The following PCNT variants were observed in gnomAD, a reference collection of about 807,000 sequenced individuals.
The protein encoded by PCNT is pericentrin.
Under a neutral mutation model 380.4 loss-of-function variants are expected in PCNT, and 319 were observed. The ratio of observed to expected loss-of-function variants is 0.84; its 90% CI spans 0.77 to 0.92. PCNT has a LOEUF of 0.92. Among genes scored for constraint, PCNT ranks in the 40% least tolerant of loss-of-function variants. The pLI is 0.00. For missense variants in PCNT, 4,400 were observed against 4,255.3 expected, an observed-to-expected ratio of 1.03 and a Z score of -0.95; for synonymous variants, 1,845 against 1,735.2, an observed-to-expected ratio of 1.06 and a Z score of -1.57.
chr21:46,365,183 C>T (rs1238324232), intron 14 of PCNT, among the ~76,000 whole-genome samples: 1 of 150,884 alleles, frequency 6.6e-6, no homozygotes, highest in Non-Finnish European at 1.5e-5. Flanking sequence ...ATGGGGTTCT[C>T]CTCACTGCCG....
rs2086769622 is a variant in PCNT, at chr21:46,411,098, A to C, written c.5116-91A>C. ...TTTCACGCTATGGAGTCTTCACTCC[A>C]AGAATGCATTCAGGATGTAACGTGC... is the stretch of plus-strand genomic sequence containing the variant. On this transcript the variant is annotated intron_variant, in intron 27 of 46. Coordinates refer to ENST00000359568, the MANE Select transcript of PCNT (RefSeq NM_006031.6). 3.1e-6 allele frequency: 4 copies of C among 1,306,700 alleles called. No homozygotes were observed. The South Asian group carries it at 4.8e-5, about 16-fold the overall frequency. The allele number at this position is 1,306,700 out of a possible 1,614,324, so 80.9% of individuals were successfully genotyped here.
chr21:46,430,135 G>C lies in PCNT; in HGVS notation c.7816G>C (p.Val2606Leu). The C allele has an allele frequency of 6.2e-7, 1 of 1,614,238 alleles. No homozygotes were observed. Among genetic ancestry groups the C allele is most frequent in the Non-Finnish European group, 8.5e-7 (1 of 1,180,036 alleles). Reference protein sequence around the residue: ...QKLLAAEQTVVRDLKSDLCES... With the variant: ...QKLLAAEQTVLRDLKSDLCES... ...GCTCCTGGCGGCGGAGCAGACTGTA[G>C]TGCGAGATTTGAAGTCCGACCTCTG... The change falls in exon 36 of 47, where the codon GTG (valine) becomes CTG (leucine). Residue 2606 changes from valine (V) to leucine (L), a missense_variant. Physicochemically the swap from Val to Leu is conservative, Grantham distance 32. Coordinates refer to ENST00000359568, the MANE Select transcript of PCNT (RefSeq NM_006031.6).
chr21:46,403,205 G>A (rs549553425), intron 27 of PCNT, among the ~76,000 whole-genome samples: 1 of 140,776 alleles, frequency 7.1e-6, no homozygotes, highest in African/African-American at 2.5e-5. Flanking sequence ...CAGCGTGGGA[G>A]AATCGTGTGT....
intron 16 of PCNT, among the ~76,000 whole-genome samples, chr21:46,384,936 C>T (rs1444898800): frequency 3.3e-5 from 5 of 152,242 alleles, no homozygotes; most frequent in Non-Finnish European, 5.9e-5. Flanking sequence ...GGTGCAGGCA[C>T]ATTCACGGTG....
rs1394524327 is a variant in PCNT at position 46,425,985 on chromosome 21, T to C, written c.7320+14T>C. 2 of 1,613,336 alleles carry C rather than the reference T, an allele frequency of 1.2e-6. No homozygotes were observed. Among genetic ancestry groups the C allele is most frequent in the East Asian group, 4.5e-5 (2 of 44,862 alleles). On this transcript the variant is annotated intron_variant, in intron 33 of 46. Transcript: ENST00000359568. This position sits in a 1 kb window ranked among gnomAD's most constrained non-coding sequence, Gnocchi z 4.2. ...GGAAAGACGCAGGTTTATTTTGCCC[T>C]TCACACACTTCTTTTCCAAAGGATT...
Position 46,397,304 on chromosome 21 carries a change from C to T in PCNT, c.4256C>T (p.Ser1419Leu), listed in dbSNP as rs766686287. Residue 1419 changes from serine to leucine, a missense_variant, in exon 22 of 47, where the codon TCG (serine) becomes TTG (leucine). Transcript: ENST00000359568. ...KEVEDLTKEQSETRKQAEKDR... is the reference protein window; with the variant it reads ...KEVEDLTKEQLETRKQAEKDR... ...GTGGAGGATCTGACCAAAGAACAGT[C>T]GGAGACCAGGAAGCAGGCTGAGAAG... The T allele has an allele frequency of 5.6e-6, 9 of 1,613,938 alleles. No homozygotes were observed. The highest frequency in any genetic ancestry group is 4.0e-5 in the African/African-American group (3 of 74,874).
In PCNT at chr21:46,397,889, G is replaced by A. The variant is rs111512103; in HGVS notation, c.4447-125G>A. 0.049 allele frequency: 35,016 copies of A among 713,866 alleles called. 1,112 individuals carry two copies. The highest frequency in any genetic ancestry group is 0.061 in the Non-Finnish European group (24,511 of 401,090). 44.2% of individuals were successfully genotyped at this position (713,866 alleles called of 1,614,324 possible). On this transcript the variant is annotated intron_variant, in intron 22 of 46. Transcript: ENST00000359568. ...TTACAAAGTGACTGTGATGAGGGGG[G>A]TATTTGGAGTCTGAGCTGCTGGGCA...
chr21:46,390,823 A>G lies in PCNT; in HGVS notation c.3994A>G (p.Lys1332Glu), dbSNP rs779293128. The change falls in exon 20 of 47, where the codon AAG (lysine) becomes GAG (glutamate). Residue 1332 changes from lysine to glutamate, a missense_variant. By Grantham distance (56) the Lys-to-Glu change is moderately conservative (BLOSUM62 1). Coordinates refer to ENST00000359568, the MANE Select transcript of PCNT (RefSeq NM_006031.6). ...GGCAGAGCTGGCGCTGGAGCTGCAC[A>G]AGACTCAGGGTGAGCAGCATGAGGC... Reference protein sequence around the residue: ...AKAELALELHKTQGTLEGFKV... With the variant: ...AKAELALELHETQGTLEGFKV... 2 of 1,608,800 alleles carry G rather than the reference A, an allele frequency of 1.2e-6. No homozygotes were observed. Among genetic ancestry groups the G allele is most frequent in the Non-Finnish European group, 1.7e-6 (2 of 1,178,130 alleles).
At chr21:46,386,357 C>T (rs976600369) in intron 17 of PCNT, among the ~76,000 whole-genome samples, 2 of 152,258 alleles carry the variant, frequency 1.3e-5, no homozygotes, top group South Asian at 2.1e-4. Context: ...CCACATGTCT[C>T]GTGGTTCCTG....
Position 46,390,791 on chromosome 21 carries a change from C to CA in PCNT, c.3963dup (p.Ala1322SerfsTer17). 6.2e-7 allele frequency: 1 copy of CA among 1,611,960 alleles called. No homozygotes were observed. Among genetic ancestry groups the CA allele is most frequent in the Non-Finnish European group, 8.5e-7 (1 of 1,179,458 alleles). The stretch of plus-strand genomic sequence containing the variant: ...CTGGAGTGTTTGAAGGAGGAGAGCG[C>CA]AGCAAAGGCAGAGCTGGCGCTGGAG... On this transcript the variant is annotated frameshift_variant, in exon 20 of 47. Coordinates refer to ENST00000359568, the MANE Select transcript of PCNT (RefSeq NM_006031.6). LOFTEE classifies it high-confidence loss of function.
intron 1 of PCNT, among the ~76,000 whole-genome samples, chr21:46,326,076 T>C (rs1325370738): frequency 6.6e-6 from 1 of 152,186 alleles, no homozygotes; most frequent in Non-Finnish European, 1.5e-5. Context: ...CAATCTTTTA[T>C]ACAAATTTTT....
chr21:46,432,810 CAG>C (rs1265407981), intron 38 of PCNT, among the ~76,000 whole-genome samples: 1 of 152,080 alleles, frequency 6.6e-6, no homozygotes, highest in African/African-American at 2.4e-5. Flanking sequence ...TTAGTAGAGA[CAG>C]GGTTTTCCAT....
intron 12 of PCNT, among the ~76,000 whole-genome samples, chr21:46,356,425 G>A (rs890374160): frequency 3.3e-5 from 5 of 152,248 alleles, no homozygotes; most frequent in Non-Finnish European, 7.3e-5. Context: ...GCCCATGGTC[G>A]TTGGCACCAC....
intron 3 of PCNT, among the ~76,000 whole-genome samples, chr21:46,337,272 C>T (rs1288924873): frequency 2.6e-5 from 4 of 152,034 alleles, no homozygotes; most frequent in Admixed American, 2.0e-4. Flanking sequence ...CCACCACGCC[C>T]GGCCCCATTT....
At chr21:46,401,038 G>A (rs1020439791) in intron 25 of PCNT, among the ~76,000 whole-genome samples, 9 of 152,240 alleles carry the variant, frequency 5.9e-5, no homozygotes, top group Admixed American at 1.3e-4. Flanking sequence ...AACGTTTACT[G>A]AGCTTAGTAG....
intron 31 of PCNT, 95 bp from the exon 32 acceptor site, chr21:46,421,875 G>C: frequency 7.3e-7 from 1 of 1,376,618 alleles, no homozygotes; most frequent in Admixed American, 1.8e-5. Flanking sequence ...GCTGGGGACT[G>C]CGGGCCGATC....
rs2085701506 is a variant in PCNT, at chr21:46,383,840, A to G, written c.3313-1992A>G. On this transcript the variant is annotated intron_variant, in intron 16 of 46. Transcript: ENST00000359568. ...GTTGTGCGTTCAGTGGCGGAAGCGC[A>G]TTCACCATGTTGTATATTCAGTGAC... Among the ~76,000 whole-genome samples, 7 of 144,300 alleles carry G rather than the reference A, an allele frequency of 4.9e-5. No homozygotes were observed. In the South Asian group the frequency reaches 1.7e-3, roughly 34 times the overall value. 94.7% of individuals were successfully genotyped at this position (144,300 alleles called of 152,430 possible). A position where few individuals can be genotyped will look rare whatever the true frequency, so the allele number is the denominator to read the frequency against.
Position 46,388,095 on chromosome 21 carries a change from A to G in PCNT, c.3465-647A>G, listed in dbSNP as rs1390850725. 6.6e-6 allele frequency among the ~76,000 whole-genome samples: 1 copy of G among 152,090 alleles called. No homozygotes were observed. The highest frequency in any genetic ancestry group is 2.4e-5 in the African/African-American group (1 of 41,408). On this transcript the variant is annotated intron_variant, in intron 17 of 46. Transcript: ENST00000359568. This position sits in a 1 kb window ranked among gnomAD's most constrained non-coding sequence, Gnocchi z 4.2. ...CGTGGTGACAGACGCCTGTAGTCCCAGCTACTCGGGAGGCTGAGGCAGGAG... is the reference window on the plus strand; with the variant it reads ...CGTGGTGACAGACGCCTGTAGTCCCGGCTACTCGGGAGGCTGAGGCAGGAG...
At chr21:46,339,921 A>T (rs1353249051) in intron 3 of PCNT, among the ~76,000 whole-genome samples, 3 of 152,130 alleles carry the variant, frequency 2.0e-5, no homozygotes, top group Admixed American at 1.3e-4. Context: ...AATCCTAACC[A>T]GTATCTCCAT....
Sources: gnomAD v4.1 joint callset for allele counts (sites outside exome capture counted in the v4.1 genomes callset) on GRCh38, gnomAD v4.1.1 for gene constraint, Gnocchi (gnomAD v3.1) non-coding constraint, MANE v1.5 for transcripts, NCBI Gene and HGNC (gene_info 2026-07-23, HGNC 2026-07-21) for gene names.